The following LRP1B variants were observed in gnomAD, a reference collection of about 807,000 sequenced individuals.
LRP1B encodes the protein low-density lipoprotein receptor-related protein 1B.
In LRP1B, 217 loss-of-function variants were observed where a neutral mutation model predicts 556.6. The ratio of observed to expected loss-of-function variants is 0.39; its 90% CI spans 0.35 to 0.44. LRP1B has a LOEUF of 0.44. Among genes scored for constraint, LRP1B ranks in the 20% least tolerant of loss-of-function variants. The pLI, the probability that LRP1B is intolerant of heterozygous loss-of-function variation, is 1.00. For synonymous variants in LRP1B, 2,047 were observed against 1,865.8 expected, an observed-to-expected ratio of 1.10 and a Z score of -2.50; for missense variants, 5,053 against 5,620.8, an observed-to-expected ratio of 0.90 and a Z score of 3.23.
intron 29 of LRP1B, among the ~76,000 whole-genome samples, chr2:140,847,980 A>T (rs1467408304): frequency 6.6e-6 from 1 of 152,132 alleles, no homozygotes; most frequent in Non-Finnish European, 1.5e-5. Context: ...ACCAGATACC[A>T]GTTCATAATT....
intron 3 of LRP1B, among the ~76,000 whole-genome samples, chr2:141,325,245 C>G (rs1018164286): frequency 6.6e-6 from 1 of 151,860 alleles, no homozygotes; most frequent in Non-Finnish European, 1.5e-5. Flanking sequence ...TAAACGTGGA[C>G]TTTGGGCAGA....
At position 140,598,470 on chromosome 2, in the gene LRP1B, A is replaced by G. The variant is rs577512848; in HGVS notation, c.7194+161T>C. 6.6e-5 allele frequency among the ~76,000 whole-genome samples: 10 copies of G among 152,134 alleles called. No individual in the cohort carries two copies. In the South Asian group the frequency reaches 2.1e-3, roughly 32 times the overall value. On this transcript the variant is annotated intron_variant, in intron 43 of 90. Coordinates refer to ENST00000389484, the MANE Select transcript of LRP1B (RefSeq NM_018557.3). Reference sequence around the variant, plus strand: ...AGAAGTTTTCAAAATACTATCCACAATTTTCTTATGTGTGTGATAGATTAG... The same window carrying G: ...AGAAGTTTTCAAAATACTATCCACAGTTTTCTTATGTGTGTGATAGATTAG...
At position 140,867,690 on chromosome 2, in the gene LRP1B, G is replaced by A. The variant is rs781023246; in HGVS notation, c.4479C>T (p.Ser1493=). The part of the protein sequence containing the change: ...YWTDWRTNTL[S]KANKWTGQNV... ...TCTGCCCTGTCCACTTATTGGCTTTGGACAATGTGTTGGTCCTCCAGTCTG... is the reference window on the plus strand; with the variant it reads ...TCTGCCCTGTCCACTTATTGGCTTTAGACAATGTGTTGGTCCTCCAGTCTG... The change falls in exon 27 of 91, where the codon TCC becomes TCT. Residue 1493 remains serine (S), a synonymous_variant. Coordinates refer to ENST00000389484, the MANE Select transcript of LRP1B (RefSeq NM_018557.3). 1 of 1,613,434 alleles carries A rather than the reference G, an allele frequency of 6.2e-7. No individual in the cohort carries two copies. Among genetic ancestry groups the A allele is most frequent in the Admixed American group, 1.7e-5 (1 of 59,948 alleles).
At chr2:141,631,213 AACTC>A (rs575678207) in intron 2 of LRP1B, among the ~76,000 whole-genome samples, 128 of 152,144 alleles carry the variant, frequency 8.4e-4, no homozygotes, top group African/African-American at 2.8e-3. Flanking sequence ...ATCTTGTGAG[AACTC>A]ACTCACTCAC....
intron 27 of LRP1B, among the ~76,000 whole-genome samples, chr2:140,859,139 T>C (rs945511167): frequency 2.6e-5 from 4 of 152,084 alleles, no homozygotes; most frequent in Admixed American, 2.0e-4. Context: ...ATATAGTAAA[T>C]TGTGGAAGCA....
At chr2:141,052,882 C>G (rs1238059861) in intron 10 of LRP1B, among the ~76,000 whole-genome samples, 1 of 151,990 alleles carries the variant, frequency 6.6e-6, no homozygotes, top group African/African-American at 2.4e-5. Flanking sequence ...AAGTGATCCA[C>G]CTGCCTCAGC....
At chr2:142,064,694 C>T (rs1705040979) in intron 1 of LRP1B, among the ~76,000 whole-genome samples, 1 of 151,218 alleles carries the variant, frequency 6.6e-6, no homozygotes, top group African/African-American at 2.4e-5. Context: ...TTAACATCTG[C>T]AAAAAAGCAT....
At position 142,107,169 on chromosome 2, in the gene LRP1B, G is replaced by T. The variant is rs552838271; in HGVS notation, c.82+23479C>A. Among the ~76,000 whole-genome samples, 5 of 152,024 alleles carry T rather than the reference G, an allele frequency of 3.3e-5. No homozygotes were observed. In the South Asian group the frequency reaches 6.2e-4, roughly 19 times the overall value. ...GTTCTATTTATTACAACAGTTTCTG[G>T]GTTAAAATAAAATTATACTGCTCAA... is the stretch of plus-strand genomic sequence containing the variant. On this transcript the variant is annotated intron_variant, in intron 1 of 90. Coordinates refer to ENST00000389484, the MANE Select transcript of LRP1B (RefSeq NM_018557.3).
chr2:141,680,532 C>A (rs1691064674), intron 2 of LRP1B, among the ~76,000 whole-genome samples: 1 of 152,150 alleles, frequency 6.6e-6, no homozygotes, highest in Non-Finnish European at 1.5e-5. Flanking sequence ...GCATACATTT[C>A]TCCCACTATA....
At chr2:140,768,301 G>T (rs975622156) in intron 35 of LRP1B, among the ~76,000 whole-genome samples, 6 of 151,742 alleles carry the variant, frequency 4.0e-5, no homozygotes, top group Non-Finnish European at 7.4e-5. Flanking sequence ...ACATGCTGGT[G>T]CAAGATTACA....
intron 43 of LRP1B, among the ~76,000 whole-genome samples, chr2:140,572,098 A>G (rs1425892462): frequency 6.6e-6 from 1 of 151,758 alleles, no homozygotes; most frequent in Non-Finnish European, 1.5e-5. Context: ...ATATTTTATG[A>G]AAAAGACCTC....
chr2:141,094,367 T>A (rs1463157379), intron 7 of LRP1B, among the ~76,000 whole-genome samples: 3 of 152,178 alleles, frequency 2.0e-5, no homozygotes, highest in African/African-American at 7.2e-5. Flanking sequence ...TAAAAATATG[T>A]TTATTAAATA....
intron 6 of LRP1B, among the ~76,000 whole-genome samples, chr2:141,215,812 C>A (rs1365385756): frequency 1.3e-5 from 2 of 152,150 alleles, no homozygotes; most frequent in African/African-American, 2.4e-5. Context: ...AACCAATACT[C>A]AGAAGTGGGA....
intron 41 of LRP1B, among the ~76,000 whole-genome samples, chr2:140,656,218 A>G (rs1292019899): frequency 6.6e-6 from 1 of 152,178 alleles, no homozygotes; most frequent in African/African-American, 2.4e-5. Flanking sequence ...CTGTAATGTA[A>G]AAACATCTTG....
At chr2:140,263,293 C>T (rs1558934730) in intron 86 of LRP1B, among the ~76,000 whole-genome samples, 1 of 152,074 alleles carries the variant, frequency 6.6e-6, no homozygotes, top group South Asian at 2.1e-4. Context: ...CATCAAAAAT[C>T]CAGCAGTCTT....
intron 19 of LRP1B, 89 bp downstream of exon 19, chr2:140,951,771 C>A: frequency 9.9e-7 from 1 of 1,009,146 alleles, no homozygotes; most frequent in South Asian, 1.5e-5. Context: ...CAAGATTCCC[C>A]TACAAAGTAC....
intron 31 of LRP1B, among the ~76,000 whole-genome samples, chr2:140,822,394 A>T (rs1691358458): frequency 6.6e-6 from 1 of 152,220 alleles, no homozygotes; most frequent in South Asian, 2.1e-4. Flanking sequence ...ATAAAATGCC[A>T]AGTTGAGCAT....
At chr2:141,888,008 T>C (rs1277206133) in intron 1 of LRP1B, among the ~76,000 whole-genome samples, 2 of 152,220 alleles carry the variant, frequency 1.3e-5, no homozygotes, top group African/African-American at 4.8e-5. Context: ...CATCATTGGC[T>C]TTAAAGATTT....
chr2:141,797,951 C>A (rs1427297644), intron 2 of LRP1B, among the ~76,000 whole-genome samples: 1 of 152,092 alleles, frequency 6.6e-6, no homozygotes, highest in Admixed American at 6.6e-5. Flanking sequence ...AAACCTATGA[C>A]AATTATAGGC....
Sources: gnomAD v4.1 joint callset for allele counts (sites outside exome capture counted in the v4.1 genomes callset) on GRCh38, gnomAD v4.1.1 for gene constraint, MANE v1.5 for transcripts, NCBI Gene and HGNC (gene_info 2026-07-23, HGNC 2026-07-21) for gene names.